The following PUDP variants were observed in gnomAD, a reference collection of about 807,000 sequenced individuals.
The protein encoded by PUDP is pseudouridine-5'-phosphatase.
Under a neutral mutation model 9.4 loss-of-function variants are expected in PUDP, and 8 were observed. The observed-to-expected ratio is 0.85, with a 90% CI of 0.50 to 1.53. PUDP has a LOEUF of 1.53. Ranked by LOEUF, PUDP falls within the 40% of genes most tolerant of loss-of-function variation. The probability of loss-of-function intolerance (pLI) is 0.00; values close to 1 mark genes in which losing one functional copy is unlikely to be tolerated. For synonymous variants in PUDP, 99 were observed against 80.7 expected, an observed-to-expected ratio of 1.23 and a Z score of -1.22; for missense variants, 188 against 189.7, an observed-to-expected ratio of 0.99 and a Z score of 0.05.
chrX:6,841,959 A>T (rs190958426), intron 3 of PUDP, among the ~76,000 whole-genome samples: 31 of 110,906 alleles, frequency 2.8e-4, no homozygotes, highest in Non-Finnish European at 3.8e-4. Context: ...TGTGTGTGCT[A>T]TGTGGGGAGT....
intron 3 of PUDP, among the ~76,000 whole-genome samples, chrX:6,833,994 T>A: frequency 8.9e-6 from 1 of 112,033 alleles, no homozygotes; most frequent in East Asian, 2.8e-4. Context: ...ACTGAAAATA[T>A]GTGTGTCCTA....
intron 3 of PUDP, among the ~76,000 whole-genome samples, chrX:6,829,310 A>G (rs1416203653): frequency 8.9e-5 from 10 of 112,121 alleles, no homozygotes; most frequent in Non-Finnish European, 1.7e-4. Flanking sequence ...TTATGAATAA[A>G]TCTGCCACAA....
At chrX:6,955,392 T>C in intron 3 of PUDP, among the ~76,000 whole-genome samples, 1 of 110,423 alleles carries the variant, frequency 9.1e-6, no homozygotes, top group Non-Finnish European at 1.9e-5. Context: ...AGGTATTCTT[T>C]TTGTTTTTTG....
chrX:7,118,365 T>C (rs1372402008), intron 1 of PUDP, among the ~76,000 whole-genome samples: 5 of 112,073 alleles, frequency 4.5e-5, no homozygotes, highest in African/African-American at 1.3e-4. Context: ...ACACAAAATA[T>C]ATTCCTCTCT....
intron 1 of PUDP, among the ~76,000 whole-genome samples, chrX:7,017,934 G>A (rs1377650902): frequency 4.5e-5 from 5 of 111,719 alleles, no homozygotes; most frequent in African/African-American, 1.6e-4. Flanking sequence ...AAAACAGGTT[G>A]CAGTAAAGAA....
intron 3 of PUDP, among the ~76,000 whole-genome samples, chrX:6,838,753 T>C (rs1926621858): frequency 8.9e-6 from 1 of 112,075 alleles, no homozygotes; most frequent in Non-Finnish European, 1.9e-5. Context: ...GGGGATTGTC[T>C]GTCTTTTGTT....
intron 3 of PUDP, among the ~76,000 whole-genome samples, chrX:7,063,830 G>T (rs1359440320): frequency 2.7e-5 from 3 of 111,134 alleles, no homozygotes; most frequent in African/African-American, 9.8e-5. Flanking sequence ...TGTAGTTTTT[G>T]TAGAGATGGG....
chrX:7,124,800 T>G (rs889437341), intron 1 of PUDP, among the ~76,000 whole-genome samples: 2 of 109,069 alleles, frequency 1.8e-5, no homozygotes, highest in East Asian at 5.8e-4. Flanking sequence ...ACAAAAAAAT[T>G]AGCCAGGCGT....
intron 1 of PUDP, among the ~76,000 whole-genome samples, chrX:7,114,677 A>C (rs1409096516): frequency 8.9e-6 from 1 of 111,957 alleles, no homozygotes; most frequent in Non-Finnish European, 1.9e-5. Context: ...CCTCTCAGTG[A>C]TTTGAATGTG....
chrX:6,831,012 G>A, intron 3 of PUDP, among the ~76,000 whole-genome samples: 1 of 111,351 alleles, frequency 9.0e-6, no homozygotes, highest in Middle Eastern at 4.7e-3. Context: ...AGGCTTTTAT[G>A]GGTAATTTGG....
intron 3 of PUDP, among the ~76,000 whole-genome samples, chrX:6,970,893 C>T (rs1174896599): frequency 9.1e-6 from 1 of 109,684 alleles, no homozygotes; most frequent in East Asian, 2.9e-4. Context: ...TCTACTAAAA[C>T]TACAAAAATT....
At chrX:6,963,712 A>G (rs1051890896) in intron 3 of PUDP, among the ~76,000 whole-genome samples, 1 of 112,008 alleles carries the variant, frequency 8.9e-6, no homozygotes, top group African/African-American at 3.2e-5. Flanking sequence ...AGAGCAAACA[A>G]TGGGGACCTT....
At chrX:6,899,322 G>A (rs1021771268) in intron 3 of PUDP, among the ~76,000 whole-genome samples, 14 of 112,776 alleles carry the variant, frequency 1.2e-4, no homozygotes, top group Non-Finnish European at 2.1e-4. Flanking sequence ...ACTGGCTTAC[G>A]CCTGTCATCC....
chrX:6,909,981 C>T (rs1211896306), intron 3 of PUDP, among the ~76,000 whole-genome samples: 1 of 112,432 alleles, frequency 8.9e-6, no homozygotes, highest in African/African-American at 3.2e-5. Flanking sequence ...TAGCCAAAGG[C>T]TACATTTCCA....
chrX:6,813,715 T>A (rs1163808733), intron 3 of PUDP, among the ~76,000 whole-genome samples: 1 of 111,650 alleles, frequency 9.0e-6, no homozygotes, highest in Non-Finnish European at 1.9e-5. Context: ...CTGTAGTAGG[T>A]CACAGATCAG....
intron 1 of PUDP, among the ~76,000 whole-genome samples, chrX:7,003,925 G>A (rs1929365010): frequency 1.8e-5 from 2 of 111,441 alleles, no homozygotes; most frequent in Non-Finnish European, 3.8e-5. Flanking sequence ...TGCCTAGGCT[G>A]GAGTGCAGTG....
chrX:6,953,516 T>G (rs1267613818), intron 3 of PUDP, among the ~76,000 whole-genome samples: 1 of 110,349 alleles, frequency 9.1e-6, no homozygotes, highest in African/African-American at 3.3e-5. Flanking sequence ...ACCAATTTCC[T>G]GAGGCCATAG....
At chrX:6,751,100 C>G (rs1453175649) in intron 3 of PUDP, among the ~76,000 whole-genome samples, 1 of 107,617 alleles carries the variant, frequency 9.3e-6, no homozygotes, top group Admixed American at 1.0e-4. Context: ...CAAGATTGTG[C>G]CACTGCACTC....
intron 3 of PUDP, among the ~76,000 whole-genome samples, chrX:6,804,163 G>A (rs1168275372): frequency 2.7e-5 from 3 of 111,173 alleles, no homozygotes; most frequent in South Asian, 3.8e-4. Context: ...ATGCACACAC[G>A]CAGACACCAG....
Sources: allele counts gnomAD v4.1 joint callset (sites outside exome capture counted in the v4.1 genomes callset), GRCh38; gene constraint gnomAD v4.1.1; transcripts MANE v1.5; gene names NCBI Gene and HGNC (gene_info 2026-07-23, HGNC 2026-07-21).